The following COL4A6 variants were observed in gnomAD, a reference collection of about 807,000 sequenced individuals.
COL4A6 encodes collagen type IV alpha 6 chain.
COL4A6 carries 59 observed loss-of-function variants against 126.7 expected under a neutral mutation model. The ratio of observed to expected loss-of-function variants is 0.47; its 90% CI spans 0.38 to 0.58. The LOEUF (loss-of-function observed/expected upper bound fraction) is 0.58, where lower values mean the gene tolerates loss of function less well. COL4A6 is among the 20% of genes least tolerant of loss of function. COL4A6 has a pLI of 0.00. For synonymous variants in COL4A6, 547 were observed against 496.6 expected, an observed-to-expected ratio of 1.10 and a Z score of -1.35; for missense variants, 1,285 against 1,337.3, an observed-to-expected ratio of 0.96 and a Z score of 0.61.
chrX:108,237,489 C>T (rs1034725634), intron 3 of COL4A6, among the ~76,000 whole-genome samples: 2 of 111,348 alleles, frequency 1.8e-5, no homozygotes, highest in Admixed American at 1.9e-4. Context: ...CCAAAAATAC[C>T]CTTCTCTTCC....
chrX:108,372,601 A>C lies in COL4A6; in HGVS notation c.64-61773T>G, dbSNP rs190335995. On this transcript the variant is annotated intron_variant, in intron 2 of 44. Transcript: ENST00000334504. ...GAGGAAGTCTAAGAGTGTCAGAGGGAGGGGGTTGCTGTTGTGTAAACTGAC... is the reference window on the plus strand; with the variant it reads ...GAGGAAGTCTAAGAGTGTCAGAGGGCGGGGGTTGCTGTTGTGTAAACTGAC... 6.0e-3 allele frequency among the ~76,000 whole-genome samples: 669 copies of C among 111,567 alleles called. 2 individuals are homozygous for C. Among genetic ancestry groups the C allele is most frequent in the East Asian group, 0.035 (125 of 3,524 alleles).
At chrX:108,295,990 T>C (rs1283409528) in intron 3 of COL4A6, among the ~76,000 whole-genome samples, 1 of 112,335 alleles carries the variant, frequency 8.9e-6, no homozygotes, top group East Asian at 2.8e-4. Flanking sequence ...CCAAATTATG[T>C]TATCAGAACG....
chrX:108,203,332 A>G (rs978713301), intron 12 of COL4A6, among the ~76,000 whole-genome samples: 1 of 112,339 alleles, frequency 8.9e-6, no homozygotes, highest in Admixed American at 9.4e-5. Context: ...CAGCAGAGAA[A>G]TCCATAGTTT....
At chrX:108,217,844 G>C (rs937963615) in intron 5 of COL4A6, among the ~76,000 whole-genome samples, 2 of 111,925 alleles carry the variant, frequency 1.8e-5, no homozygotes, top group South Asian at 7.6e-4. Context: ...TTTGGTCAAG[G>C]AAAGGAAATA....
At position 108,437,924 on chromosome X, in the gene COL4A6, T is replaced by A. The variant is rs2064298069; in HGVS notation, c.63+18A>T. The A allele has an allele frequency of 1.7e-6, 2 of 1,209,356 alleles. No homozygotes were observed. Among genetic ancestry groups the A allele is most frequent in the Admixed American group, 4.4e-5 (2 of 45,915 alleles). On this transcript the variant is annotated intron_variant, in intron 2 of 44. Coordinates refer to ENST00000334504, the MANE Select transcript of COL4A6 (RefSeq NM_033641.4). ...GTCAAAGGAGGGGGACGGAAAAGGGTCGTGAGAAGAGACTCACCGCTGCTG... is the reference window on the plus strand; with the variant it reads ...GTCAAAGGAGGGGGACGGAAAAGGGACGTGAGAAGAGACTCACCGCTGCTG...
chrX:108,187,207 G>T lies in COL4A6; in HGVS notation c.1840C>A (p.Pro614Thr), dbSNP rs984007737. ...GLPGEKGHPG[P>T]PGLPGNGLPG... is the part of the protein sequence containing the mutation. ...AACCCATTTCCTGGGAGGCCAGGTGGACCAGGATGGCCTTTTTCACCAGGA... is the reference window on the plus strand; with the variant it reads ...AACCCATTTCCTGGGAGGCCAGGTGTACCAGGATGGCCTTTTTCACCAGGA... The change falls in exon 23 of 45, where the codon CCA (proline) becomes ACA (threonine). Residue 614 changes from proline to threonine, a missense_variant. Transcript: ENST00000334504. 4 of 1,192,676 alleles carry T rather than the reference G, an allele frequency of 3.4e-6. No individual in the cohort carries two copies. In the African/African-American group the frequency reaches 7.1e-5, roughly 21 times the overall value.
intron 42 of COL4A6, among the ~76,000 whole-genome samples, 155 bp from the exon 43 acceptor site, chrX:108,160,809 T>A (rs1650637770): frequency 8.9e-6 from 1 of 112,472 alleles, no homozygotes; most frequent in Admixed American, 9.4e-5. Context: ...ACCACCCCAA[T>A]TTTTAGATGA....
At position 108,238,697 on chromosome X, in the gene COL4A6, G is replaced by A. The variant is rs2036497227; in HGVS notation, c.145-17323C>T. ...AAGTGTCCTATTTTCAAACCATGGAGAGGTTCTGCAGGATATATATGCAGC... is the reference window on the plus strand; with the variant it reads ...AAGTGTCCTATTTTCAAACCATGGAAAGGTTCTGCAGGATATATATGCAGC... On this transcript the variant is annotated intron_variant, in intron 3 of 44. Coordinates refer to ENST00000334504, the MANE Select transcript of COL4A6 (RefSeq NM_033641.4). 2.7e-5 allele frequency among the ~76,000 whole-genome samples: 3 copies of A among 109,504 alleles called. No homozygotes were observed. The South Asian group carries it at 1.2e-3, about 44-fold the overall frequency.
At chrX:108,237,559 C>T (rs761649603) in intron 3 of COL4A6, among the ~76,000 whole-genome samples, 1 of 112,077 alleles carries the variant, frequency 8.9e-6, no homozygotes, top group East Asian at 2.8e-4. Flanking sequence ...TGCCCTCTTC[C>T]AAACAGACTT....
At chrX:108,190,269 A>G in intron 20 of COL4A6, 123 bp downstream of exon 20, 1 of 484,511 alleles carries the variant, frequency 2.1e-6, no homozygotes, top group Admixed American at 3.3e-5. Context: ...CCTATAATCA[A>G]AGCCCCAAAC....
upstream of COL4A6, chrX:108,439,398 A>G: frequency 1.3e-6 from 1 of 781,425 alleles, no homozygotes. Flanking sequence ...CAATATTTTC[A>G]CATCTTCTGC....
In COL4A6 at chrX:108,278,217, C is replaced by T. The variant is rs1443228535; in HGVS notation, c.144+32531G>A. Among the ~76,000 whole-genome samples, 3 of 111,434 alleles carry T rather than the reference C, an allele frequency of 2.7e-5. No individual in the cohort carries two copies. In the East Asian group the frequency reaches 8.4e-4, roughly 31 times the overall value. On this transcript the variant is annotated intron_variant, in intron 3 of 44. Transcript: ENST00000334504. ...CCGAGCTACAGGAGGAAATTCAAAC[C>T]AAAGGCAAAGAAGTTGAAAACTTTG...
At chrX:108,308,343 G>C (rs190065032) in intron 3 of COL4A6, among the ~76,000 whole-genome samples, 1 of 111,937 alleles carries the variant, frequency 8.9e-6, no homozygotes, top group East Asian at 2.8e-4. Context: ...TACTTTTAAA[G>C]GCTCCCCAAC....
chrX:108,318,426 G>C (rs1279319315), intron 2 of COL4A6, among the ~76,000 whole-genome samples: 9 of 111,234 alleles, frequency 8.1e-5, no homozygotes, highest in Admixed American at 2.9e-4. Flanking sequence ...AAAAGAGGAA[G>C]TCAAATTGTC....
At chrX:108,203,161 A>G (rs1225337130) in intron 12 of COL4A6, among the ~76,000 whole-genome samples, 180 bp from the exon 13 acceptor site, 1 of 111,765 alleles carries the variant, frequency 8.9e-6, no homozygotes, top group Admixed American at 9.5e-5. Context: ...AGGATGTCTT[A>G]GTTCATGGAG....
intron 3 of COL4A6, among the ~76,000 whole-genome samples, chrX:108,275,295 G>A (rs989217894): frequency 8.9e-6 from 1 of 111,768 alleles, no homozygotes; most frequent in Non-Finnish European, 1.9e-5. Flanking sequence ...TTCTCCATAA[G>A]ATACTTTCAA....
chrX:108,344,773 T>C (rs1215933979), intron 2 of COL4A6, among the ~76,000 whole-genome samples: 1 of 112,473 alleles, frequency 8.9e-6, no homozygotes, highest in African/African-American at 3.2e-5. Context: ...AGTTGCTTCA[T>C]AAATCATGTC....
At chrX:108,286,155 G>A (rs763656958) in intron 3 of COL4A6, among the ~76,000 whole-genome samples, 2 of 112,151 alleles carry the variant, frequency 1.8e-5, no homozygotes, top group Non-Finnish European at 3.8e-5. Flanking sequence ...CCTCTAGCTT[G>A]GTGTCACTGA....
chrX:108,252,407 A>G (rs2036872759), intron 3 of COL4A6, among the ~76,000 whole-genome samples: 1 of 111,816 alleles, frequency 8.9e-6, no homozygotes, highest in South Asian at 3.7e-4. Context: ...GATTGATTCT[A>G]TATGTCGGGT....
Sources: gnomAD v4.1 joint callset for allele counts (sites outside exome capture counted in the v4.1 genomes callset) on GRCh38, gnomAD v4.1.1 for gene constraint, MANE v1.5 for transcripts, NCBI Gene and HGNC (gene_info 2026-07-23, HGNC 2026-07-21) for gene names.